The following SORCS3 variants were observed in gnomAD, a reference collection of about 807,000 sequenced individuals.
SORCS3 encodes the protein sortilin related VPS10 domain containing receptor 3.
In SORCS3, 57 loss-of-function variants were observed where a neutral mutation model predicts 146.3. The observed-to-expected ratio is 0.39, with a 90% CI of 0.31 to 0.49. SORCS3 has a LOEUF of 0.49. Ranked by LOEUF, SORCS3 falls within the 20% of genes least tolerant of loss-of-function variation. The pLI is 0.92. For synonymous variants in SORCS3, 653 were observed against 618.5 expected (o/e 1.06, Z -0.83); for missense variants, 1,341 against 1,575.5 (o/e 0.85, Z 2.52).
chr10:104,868,233 C>T (rs890046963), intron 2 of SORCS3, among the ~76,000 whole-genome samples: 2 of 152,164 alleles, frequency 1.3e-5, no homozygotes, highest in Non-Finnish European at 2.9e-5. Context: ...TTGTAAATAA[C>T]GTGTGCAGCT....
intron 4 of SORCS3, among the ~76,000 whole-genome samples, chr10:104,982,985 A>G (rs1212022274): frequency 1.3e-5 from 2 of 152,030 alleles, no homozygotes; most frequent in South Asian, 2.1e-4. Context: ...GTGTCACCCC[A>G]AGCATGCTTT....
intron 1 of SORCS3, among the ~76,000 whole-genome samples, chr10:104,757,072 T>G (rs952727023): frequency 2.5e-4 from 37 of 146,756 alleles, no homozygotes; most frequent in African/African-American, 8.1e-4. Context: ...AAGGGTTTTT[T>G]TTTTTTTTTT....
chr10:105,168,490 TG>T (rs957284828), intron 13 of SORCS3, among the ~76,000 whole-genome samples: 2 of 152,158 alleles, frequency 1.3e-5, no homozygotes, highest in Non-Finnish European at 2.9e-5. Context: ...AGTGAATATT[TG>T]TGGGTGGAGA....
chr10:104,646,876 T>TCTCCA (rs2015501679), intron 1 of SORCS3, among the ~76,000 whole-genome samples: 1 of 152,120 alleles, frequency 6.6e-6, no homozygotes, highest in Non-Finnish European at 1.5e-5. Flanking sequence ...TTTATTCTCC[T>TCTCCA]GGTGTTGTGG....
chr10:104,848,031 C>T (rs2018227621), intron 2 of SORCS3, among the ~76,000 whole-genome samples: 1 of 152,060 alleles, frequency 6.6e-6, no homozygotes. Context: ...TCGTTCCTAG[C>T]CTGTGAACTT....
chr10:105,171,751 G>A (rs1031505983), intron 13 of SORCS3, among the ~76,000 whole-genome samples: 2 of 152,176 alleles, frequency 1.3e-5, no homozygotes, highest in Non-Finnish European at 2.9e-5. Flanking sequence ...GATTCTCAAT[G>A]ACCACTGTAG....
At chr10:105,137,393 G>A (rs1006831369) in intron 7 of SORCS3, among the ~76,000 whole-genome samples, 1 of 152,008 alleles carries the variant, frequency 6.6e-6, no homozygotes, top group Admixed American at 6.6e-5. Context: ...AAATGTTTTA[G>A]AACTAAATAG....
At chr10:104,709,257 G>A (rs991727144) in intron 1 of SORCS3, among the ~76,000 whole-genome samples, 36 of 152,246 alleles carry the variant, frequency 2.4e-4, no homozygotes, top group African/African-American at 8.7e-4. Context: ...TGCGTCACAT[G>A]GAATTCATTC....
intron 5 of SORCS3, among the ~76,000 whole-genome samples, chr10:105,070,317 A>G (rs1378628243): frequency 1.3e-5 from 2 of 152,240 alleles, no homozygotes; most frequent in African/African-American, 4.8e-5. Flanking sequence ...AGTAGGTGGT[A>G]CAGCCAGGAT....
At chr10:105,026,771 A>G (rs1010711837) in intron 4 of SORCS3, among the ~76,000 whole-genome samples, 2 of 152,202 alleles carry the variant, frequency 1.3e-5, no homozygotes, top group Non-Finnish European at 2.9e-5. Flanking sequence ...AATGGGAGCT[A>G]AACATTGGGT....
chr10:105,003,636 A>G (rs1414480745), intron 4 of SORCS3, among the ~76,000 whole-genome samples: 1 of 152,204 alleles, frequency 6.6e-6, no homozygotes, highest in Non-Finnish European at 1.5e-5. Flanking sequence ...CATAAACTGT[A>G]CAAACCACTT....
intron 20 of SORCS3, 24 bp from the exon 21 acceptor site, chr10:105,245,518 G>A: frequency 1.2e-6 from 2 of 1,613,368 alleles, no homozygotes; most frequent in Non-Finnish European, 1.7e-6. Context: ...AAGACTGAAT[G>A]AGTATTGTTA....
At chr10:105,084,677 A>G (rs2055647122) in intron 5 of SORCS3, among the ~76,000 whole-genome samples, 1 of 151,406 alleles carries the variant, frequency 6.6e-6, no homozygotes, top group Non-Finnish European at 1.5e-5. Flanking sequence ...TTACTAGGGG[A>G]GGCGCAGAGT....
rs559577552 is a variant in SORCS3 at position 105,087,083 on chromosome 10, T to G, written c.1029-2692T>G. On this transcript the variant is annotated intron_variant, in intron 5 of 26. Transcript: ENST00000369701. ...TTAGGTTTTATGTTTAAGTCTTTAA[T>G]CCATCTTGAGTTAATTTTTGTATAA... 2.0e-5 allele frequency among the ~76,000 whole-genome samples: 3 copies of G among 152,364 alleles called. No homozygotes were observed. The South Asian group carries it at 6.2e-4, about 32-fold the overall frequency.
chr10:104,988,096 A>G (rs1298666040), intron 4 of SORCS3, among the ~76,000 whole-genome samples: 1 of 152,190 alleles, frequency 6.6e-6, no homozygotes, highest in Non-Finnish European at 1.5e-5. Context: ...TATTTCCAAG[A>G]TACAGAGGAG....
intron 5 of SORCS3, among the ~76,000 whole-genome samples, chr10:105,047,736 G>A (rs1005988551): frequency 3.3e-5 from 5 of 152,090 alleles, no homozygotes; most frequent in African/African-American, 4.8e-5. Flanking sequence ...TGGGCTGTAG[G>A]TCTTTATTGT....
chr10:105,218,765 C>T (rs2056680177), intron 19 of SORCS3, among the ~76,000 whole-genome samples: 1 of 152,136 alleles, frequency 6.6e-6, no homozygotes, highest in Non-Finnish European at 1.5e-5. Flanking sequence ...GCCTGTAATC[C>T]CAGCACTTTG....
intron 20 of SORCS3, among the ~76,000 whole-genome samples, chr10:105,242,870 T>TATATATAAATTATATATAATATATG (rs2056843179): frequency 1.1e-5 from 1 of 89,150 alleles, no homozygotes; most frequent in African/African-American, 4.5e-5. Context: ...TATATATTTT[T>TATATATAAATTATATATAATATATG]ATATATAAAT....
At chr10:105,009,024 A>G (rs182067170) in intron 4 of SORCS3, among the ~76,000 whole-genome samples, 59 of 152,310 alleles carry the variant, frequency 3.9e-4, no homozygotes, top group Admixed American at 7.8e-4. Flanking sequence ...ACAGACAAAT[A>G]CTGTTTTAGA....
Sources: allele counts gnomAD v4.1 joint callset (sites outside exome capture counted in the v4.1 genomes callset), GRCh38; gene constraint gnomAD v4.1.1; transcripts MANE v1.5; gene names NCBI Gene and HGNC (gene_info 2026-07-23, HGNC 2026-07-21).